Variants in IPCEF1 observed in about 807,000 individuals in gnomAD.
IPCEF1 encodes the protein interaction protein for cytohesin exchange factors 1, also known as interactor protein for cytohesin exchange factors 1.
Under a neutral mutation model 50.9 loss-of-function variants are expected in IPCEF1, and 31 were observed. That is an observed-to-expected ratio of 0.61 (90% CI 0.46 to 0.82). IPCEF1 has a LOEUF of 0.82. Among genes scored for constraint, IPCEF1 ranks in the 40% least tolerant of loss-of-function variants. The probability of loss-of-function intolerance (pLI) is 0.00; values close to 1 mark genes in which losing one functional copy is unlikely to be tolerated. For synonymous variants in IPCEF1, 181 were observed against 192.0 expected, an observed-to-expected ratio of 0.94 and a Z score of 0.47; for missense variants, 458 against 514.0, an observed-to-expected ratio of 0.89 and a Z score of 1.05.
intron 10 of IPCEF1, among the ~76,000 whole-genome samples, chr6:154,187,595 T>C (rs1241994753): frequency 1.3e-5 from 2 of 152,202 alleles, no homozygotes; most frequent in Non-Finnish European, 2.9e-5. Context: ...TGTAATATCA[T>C]GATTGTCGAA....
At chr6:154,275,144 G>T (rs991867178) in intron 2 of IPCEF1, among the ~76,000 whole-genome samples, 1 of 152,144 alleles carries the variant, frequency 6.6e-6, no homozygotes, top group Non-Finnish European at 1.5e-5. Context: ...GCCAGCTCCA[G>T]ATCCAAGGAA....
At chr6:154,274,822 C>A (rs1782014753) in intron 2 of IPCEF1, among the ~76,000 whole-genome samples, 1 of 152,236 alleles carries the variant, frequency 6.6e-6, no homozygotes, top group African/African-American at 2.4e-5. Context: ...TGCGCCCAAT[C>A]AAGGTTCCCT....
At chr6:154,173,988 A>G (rs1203119431) in intron 10 of IPCEF1, among the ~76,000 whole-genome samples, 1 of 152,254 alleles carries the variant, frequency 6.6e-6, no homozygotes, top group Non-Finnish European at 1.5e-5. Context: ...CAGAAACCCT[A>G]CAAGCCAGAA....
chr6:154,290,532 C>T (rs951294303), intron 1 of IPCEF1, among the ~76,000 whole-genome samples: 2 of 152,182 alleles, frequency 1.3e-5, no homozygotes, highest in Non-Finnish European at 2.9e-5. Context: ...CTCAGTCTCT[C>T]ACTCTAAGTC....
At chr6:154,289,375 G>T (rs970873457) in intron 2 of IPCEF1, among the ~76,000 whole-genome samples, 4 of 146,308 alleles carry the variant, frequency 2.7e-5, no homozygotes, top group African/African-American at 1.0e-4. Flanking sequence ...ACATGCAATT[G>T]CTTGTAAAAT....
Position 154,183,170 on chromosome 6 carries a change from G to A in IPCEF1, c.911-15057C>T, listed in dbSNP as rs553166389. On this transcript the variant is annotated intron_variant, in intron 10 of 11. Transcript: ENST00000367220. The stretch of plus-strand genomic sequence containing the variant: ...AATTTTTTGTATTTTTAGTAGAGAC[G>A]GGGTTTCACTGTGTTAGCAAGGATG... Among the ~76,000 whole-genome samples, 82 of 152,010 alleles carry A rather than the reference G, an allele frequency of 5.4e-4. 1 individual carries two copies. The highest frequency in any genetic ancestry group is 9.3e-4 in the Non-Finnish European group (63 of 67,958).
intron 1 of IPCEF1, among the ~76,000 whole-genome samples, chr6:154,296,920 A>C (rs942399512): frequency 6.6e-6 from 1 of 152,174 alleles, no homozygotes; most frequent in African/African-American, 2.4e-5. Context: ...AAAGGCTGAC[A>C]GGGCCCCAGC....
intron 1 of IPCEF1, among the ~76,000 whole-genome samples, chr6:154,298,145 C>A (rs1782709671): frequency 6.6e-6 from 1 of 152,226 alleles, no homozygotes. Flanking sequence ...TTTCTATGTT[C>A]TTTTAAATAA....
At chr6:154,266,515 C>G (rs1781757497) in intron 2 of IPCEF1, among the ~76,000 whole-genome samples, 1 of 149,032 alleles carries the variant, frequency 6.7e-6, no homozygotes, top group South Asian at 2.1e-4. Flanking sequence ...ATATTCTTTT[C>G]AAGTACTCAG....
At chr6:154,250,970 G>A (rs1004250434) in intron 3 of IPCEF1, among the ~76,000 whole-genome samples, 2 of 151,964 alleles carry the variant, frequency 1.3e-5, no homozygotes, top group Admixed American at 1.3e-4. Context: ...ATACCAGATC[G>A]GCACAGCACT....
intron 9 of IPCEF1, among the ~76,000 whole-genome samples, chr6:154,200,527 C>T (rs12210420): frequency 0.079 from 12,002 of 152,046 alleles, 957 homozygotes; most frequent in East Asian, 0.42. Flanking sequence ...TTGAGACCAG[C>T]CGGGCCAGTA....
chr6:154,201,034 A>G (rs1053942594), intron 9 of IPCEF1, among the ~76,000 whole-genome samples: 3 of 152,100 alleles, frequency 2.0e-5, no homozygotes, highest in African/African-American at 7.2e-5. Flanking sequence ...TGATAGTTTA[A>G]AAGTGTTTGG....
intron 1 of IPCEF1, among the ~76,000 whole-genome samples, chr6:154,331,610 G>T (rs1292147307): frequency 3.3e-5 from 5 of 152,162 alleles, no homozygotes; most frequent in Admixed American, 2.6e-4. Context: ...AACACCCGAA[G>T]CTGGTGATCA....
At chr6:154,217,926 G>A (rs1441931913) in intron 7 of IPCEF1, among the ~76,000 whole-genome samples, 3 of 152,118 alleles carry the variant, frequency 2.0e-5, no homozygotes, top group Non-Finnish European at 2.9e-5. Context: ...GAAGACTGTT[G>A]ACAATAAAGA....
At chr6:154,223,719 T>G (rs572089638) in intron 5 of IPCEF1, among the ~76,000 whole-genome samples, 1 of 152,246 alleles carries the variant, frequency 6.6e-6, no homozygotes, top group Non-Finnish European at 1.5e-5. Flanking sequence ...GATTGACCAC[T>G]TACTGGTTGT....
chr6:154,194,089 G>A (rs932966478), intron 10 of IPCEF1, among the ~76,000 whole-genome samples: 7 of 152,096 alleles, frequency 4.6e-5, no homozygotes, highest in Non-Finnish European at 7.4e-5. Context: ...GTTAATACCC[G>A]CTCCTCAACG....
At chr6:154,265,009 C>T (rs1781717903) in intron 3 of IPCEF1, among the ~76,000 whole-genome samples, 1 of 152,190 alleles carries the variant, frequency 6.6e-6, no homozygotes, top group Non-Finnish European at 1.5e-5. Flanking sequence ...TCTGATTCTG[C>T]TTTTAGCTCT....
At chr6:154,247,756 A>G (rs1195287730) in intron 3 of IPCEF1, 1 of 372,604 alleles carries the variant, frequency 2.7e-6, no homozygotes, top group African/African-American at 2.1e-5. Flanking sequence ...AGCCGCTCTC[A>G]CTACTACTTT....
intron 10 of IPCEF1, among the ~76,000 whole-genome samples, chr6:154,169,093 G>A (rs1253326418): frequency 6.9e-6 from 1 of 145,894 alleles, no homozygotes; most frequent in Non-Finnish European, 1.5e-5. Context: ...GGGTGTGGTG[G>A]CTCACGCCTG....
Sources: gnomAD v4.1 joint callset for allele counts (sites outside exome capture counted in the v4.1 genomes callset) on GRCh38, gnomAD v4.1.1 for gene constraint, MANE v1.5 for transcripts, NCBI Gene and HGNC (gene_info 2026-07-23, HGNC 2026-07-21) for gene names.